The following DNAAF6 variants were observed in gnomAD, a reference collection of about 807,000 sequenced individuals.
DNAAF6 encodes the protein dynein axonemal assembly factor 6, also known as PIH1 domain containing 3.
Under a neutral mutation model 13.7 loss-of-function variants are expected in DNAAF6, and 3 were observed. The ratio of observed to expected loss-of-function variants is 0.22; its 90% CI spans 0.10 to 0.56. The LOEUF (loss-of-function observed/expected upper bound fraction) is 0.56, where lower values mean the gene tolerates loss of function less well. DNAAF6 is among the 20% of genes least tolerant of loss of function. The probability of loss-of-function intolerance (pLI) is 0.92; values close to 1 mark genes in which losing one functional copy is unlikely to be tolerated. For synonymous variants in DNAAF6, 54 were observed against 49.2 expected, an observed-to-expected ratio of 1.10 and a Z score of -0.41; for missense variants, 130 against 151.0, an observed-to-expected ratio of 0.86 and a Z score of 0.73.
At position 107,206,952 on chromosome X, in the gene DNAAF6, G is replaced by A. The variant is rs12391142; in HGVS notation, c.-4+262G>A. Among the ~76,000 whole-genome samples, 751 of 111,842 alleles carry A rather than the reference G, an allele frequency of 6.7e-3. 7 individuals are homozygous for A. The highest frequency in any genetic ancestry group is 0.023 in the African/African-American group (721 of 30,764). On this transcript the variant is annotated intron_variant, in intron 1 of 6. Coordinates refer to ENST00000372453, the MANE Select transcript of DNAAF6 (RefSeq NM_173494.2). ...AGGATGTGAGTGAAAGATGGATGCT[G>A]ATCGACTGTCAGAAGGCAAAAGTAA...
chrX:107,218,105 AT>A (rs1928032775), intron 3 of DNAAF6, among the ~76,000 whole-genome samples: 1 of 112,501 alleles, frequency 8.9e-6, no homozygotes. Context: ...AATGCTTAAA[AT>A]GACTCAAAGC....
intron 5 of DNAAF6, among the ~76,000 whole-genome samples, chrX:107,236,788 A>G: frequency 8.9e-6 from 1 of 112,282 alleles, no homozygotes; most frequent in Non-Finnish European, 1.9e-5. Flanking sequence ...AACATTTCAG[A>G]CTAAAGAAAC....
intron 6 of DNAAF6, among the ~76,000 whole-genome samples, chrX:107,241,546 T>G (rs770903768): frequency 8.9e-6 from 1 of 112,009 alleles, no homozygotes; most frequent in East Asian, 2.8e-4. Context: ...TATAAAGTCT[T>G]CCACTAGACA....
At chrX:107,217,993 T>C (rs938732650) in intron 3 of DNAAF6, among the ~76,000 whole-genome samples, 2 of 112,549 alleles carry the variant, frequency 1.8e-5, no homozygotes, top group African/African-American at 6.5e-5. Context: ...ATGTTATATA[T>C]AAATCTGTAG....
intron 5 of DNAAF6, among the ~76,000 whole-genome samples, chrX:107,236,245 T>G (rs1035255751): frequency 5.3e-5 from 6 of 112,355 alleles, no homozygotes; most frequent in Non-Finnish European, 1.1e-4. Flanking sequence ...ATTTTTAAAG[T>G]TTTCCTTAGT....
intron 6 of DNAAF6, among the ~76,000 whole-genome samples, chrX:107,239,515 T>C (rs1179669836): frequency 6.3e-5 from 7 of 111,757 alleles, no homozygotes; most frequent in African/African-American, 2.3e-4. Context: ...ACATACTGGT[T>C]CACTGCAATG....
intron 2 of DNAAF6, among the ~76,000 whole-genome samples, chrX:107,216,223 C>A (rs1294368554): frequency 8.9e-6 from 1 of 111,843 alleles, no homozygotes; most frequent in Non-Finnish European, 1.9e-5. Context: ...AGTCTGAATA[C>A]TTAGCTTCTG....
intron 2 of DNAAF6, among the ~76,000 whole-genome samples, chrX:107,214,612 A>T (rs958516083): frequency 8.9e-6 from 1 of 111,901 alleles, no homozygotes; most frequent in Non-Finnish European, 1.9e-5. Flanking sequence ...ATGATTCTGT[A>T]TATCTGGGTT....
rs139991265 is a variant in DNAAF6 at position 107,227,136 on chromosome X, G to A, written c.429+4295G>A. Among the ~76,000 whole-genome samples the A allele has an allele frequency of 6.5e-3, 729 of 111,894 alleles. 6 individuals are homozygous for A. The highest frequency in any genetic ancestry group is 0.022 in the African/African-American group (683 of 30,809). On this transcript the variant is annotated intron_variant, in intron 5 of 6. Transcript: ENST00000372453. Reference sequence around the variant, plus strand: ...ATTTTTTGAGACAGAGGCTCACTTTGTTACCCAGGCTGGAGTGCAGCCTCA... The same window carrying A: ...ATTTTTTGAGACAGAGGCTCACTTTATTACCCAGGCTGGAGTGCAGCCTCA...
At chrX:107,215,164 C>T (rs1431863744) in intron 2 of DNAAF6, among the ~76,000 whole-genome samples, 1 of 111,683 alleles carries the variant, frequency 9.0e-6, no homozygotes, top group East Asian at 2.8e-4. Flanking sequence ...TGATCCCATT[C>T]CATCTTTTAA....
chrX:107,208,211 C>G (rs1020175616), intron 1 of DNAAF6, among the ~76,000 whole-genome samples: 1 of 110,595 alleles, frequency 9.0e-6, no homozygotes, highest in Non-Finnish European at 1.9e-5. Context: ...CTGGGCTACA[C>G]GGTGAAGCCC....
chrX:107,233,166 T>C (rs1928446581), intron 5 of DNAAF6, among the ~76,000 whole-genome samples: 1 of 112,204 alleles, frequency 8.9e-6, no homozygotes, highest in South Asian at 3.7e-4. Flanking sequence ...CAGGAATTAG[T>C]AAACGATTCC....
Position 107,239,018 on chromosome X carries a change from CTT to C in DNAAF6, c.515+12_515+13del, listed in dbSNP as rs765973821. On this transcript the variant is annotated intron_variant, in intron 6 of 6. Coordinates refer to ENST00000372453, the MANE Select transcript of DNAAF6 (RefSeq NM_173494.2). ...TCGTACTCCTCAGAAGTGAGTAAAA[CTT>C]AGAACTGGAATAGTGTATTATAATA... 15 of 1,193,494 alleles carry C rather than the reference CTT, an allele frequency of 1.3e-5. No homozygotes were observed. The African/African-American group carries it at 2.5e-4, about 20-fold the overall frequency.
At chrX:107,208,277 C>T (rs1298194032) in intron 1 of DNAAF6, among the ~76,000 whole-genome samples, 2 of 109,257 alleles carry the variant, frequency 1.8e-5, no homozygotes, top group Non-Finnish European at 3.8e-5. Context: ...CTACAAATAA[C>T]ACAAAAATTA....
At chrX:107,229,666 C>G (rs1309826009) in intron 5 of DNAAF6, among the ~76,000 whole-genome samples, 1 of 109,766 alleles carries the variant, frequency 9.1e-6, no homozygotes, top group Non-Finnish European at 1.9e-5. Context: ...ATTTATCTCT[C>G]TAGTCCTGAA....
chrX:107,238,390 C>T, intron 5 of DNAAF6, among the ~76,000 whole-genome samples: 1 of 111,182 alleles, frequency 9.0e-6, no homozygotes, highest in East Asian at 2.8e-4. Flanking sequence ...ATATGTTGTC[C>T]TTTTGGGGAG....
chrX:107,230,279 T>C (rs1928358682), intron 5 of DNAAF6, among the ~76,000 whole-genome samples: 2 of 111,877 alleles, frequency 1.8e-5, no homozygotes, highest in African/African-American at 6.5e-5. Context: ...TTACTAACGA[T>C]CATCATCTCT....
chrX:107,213,788 A>G (rs1416771665), intron 2 of DNAAF6, among the ~76,000 whole-genome samples: 1 of 112,027 alleles, frequency 8.9e-6, no homozygotes, highest in Non-Finnish European at 1.9e-5. Flanking sequence ...TGATAGGGCA[A>G]ACAAAATTTG....
At chrX:107,212,037 G>C (rs1927868810) in intron 1 of DNAAF6, among the ~76,000 whole-genome samples, 1 of 111,687 alleles carries the variant, frequency 9.0e-6, no homozygotes, top group East Asian at 2.8e-4. Context: ...ATCAACTGCT[G>C]ACTATGTGCC....
Sources: allele counts gnomAD v4.1 joint callset (sites outside exome capture counted in the v4.1 genomes callset), GRCh38; gene constraint gnomAD v4.1.1; transcripts MANE v1.5; gene names NCBI Gene and HGNC (gene_info 2026-07-23, HGNC 2026-07-21).